The following GTF2F2 variants were observed in gnomAD, a reference collection of about 807,000 sequenced individuals.
The protein encoded by GTF2F2 is general transcription factor IIF subunit 2.
Under a neutral mutation model 42.2 loss-of-function variants are expected in GTF2F2, and 23 were observed. The ratio of observed to expected loss-of-function variants is 0.55; its 90% CI spans 0.39 to 0.77. The LOEUF (loss-of-function observed/expected upper bound fraction) is 0.77, where lower values mean the gene tolerates loss of function less well. Ranked by LOEUF, GTF2F2 falls within the 30% of genes least tolerant of loss-of-function variation. The pLI is 0.00. For synonymous variants in GTF2F2, 105 were observed against 100.8 expected (o/e 1.04, Z -0.25); for missense variants, 261 against 287.2 (o/e 0.91, Z 0.66).
Position 45,164,406 on chromosome 13 carries a change from A to G in GTF2F2, c.304+12575A>G, listed in dbSNP as rs192290861. Among the ~76,000 whole-genome samples, 5 of 152,252 alleles carry G rather than the reference A, an allele frequency of 3.3e-5. No homozygotes were observed. In the East Asian group the frequency reaches 7.7e-4, roughly 24 times the overall value. Reference sequence around the variant, plus strand: ...CTATTTTTTTAAAAAGCAATAAAACATGTCGATTTACTGAAGGTTTTCAAG... The same window carrying G: ...CTATTTTTTTAAAAAGCAATAAAACGTGTCGATTTACTGAAGGTTTTCAAG... On this transcript the variant is annotated intron_variant, in intron 4 of 7. Coordinates refer to ENST00000340473, the MANE Select transcript of GTF2F2 (RefSeq NM_004128.3).
At chr13:45,190,556 GTC>G (rs1387812637) in intron 4 of GTF2F2, among the ~76,000 whole-genome samples, 1 of 152,100 alleles carries the variant, frequency 6.6e-6, no homozygotes, top group Non-Finnish European at 1.5e-5. Context: ...AACCCCCTAA[GTC>G]TCTGTTTCTT....
intron 1 of GTF2F2, among the ~76,000 whole-genome samples, chr13:45,131,160 A>T (rs1170032456): frequency 6.6e-6 from 1 of 151,872 alleles, no homozygotes; most frequent in East Asian, 1.9e-4. Flanking sequence ...GTGAGCCGAG[A>T]TCGCGCCATT....
chr13:45,202,934 C>T (rs1425373584), intron 4 of GTF2F2, among the ~76,000 whole-genome samples: 1 of 152,090 alleles, frequency 6.6e-6, no homozygotes, highest in Non-Finnish European at 1.5e-5. Context: ...GCTACTCCAG[C>T]CTGGGTGACA....
chr13:45,178,098 C>A (rs77000566), intron 4 of GTF2F2, among the ~76,000 whole-genome samples: 4,347 of 152,158 alleles, frequency 0.029, 191 homozygotes, highest in African/African-American at 0.093. Flanking sequence ...CTTTCTGACA[C>A]CTGCCCTTTA....
chr13:45,156,219 C>T (rs1389886294), intron 4 of GTF2F2, among the ~76,000 whole-genome samples: 4 of 152,166 alleles, frequency 2.6e-5, no homozygotes, highest in African/African-American at 9.7e-5. Context: ...TGCACTGAGG[C>T]AACTGGTAAG....
chr13:45,280,446 A>C (rs1877215338), intron 7 of GTF2F2, among the ~76,000 whole-genome samples: 1 of 152,150 alleles, frequency 6.6e-6, no homozygotes, highest in Admixed American at 6.6e-5. Flanking sequence ...CTTCCCTGCC[A>C]AGCTAATTTA....
chr13:45,142,759 ATTTACTTAGT>A (rs1430214474), intron 2 of GTF2F2, among the ~76,000 whole-genome samples: 1 of 152,118 alleles, frequency 6.6e-6, no homozygotes, highest in Non-Finnish European at 1.5e-5. Context: ...TACTTTACTA[ATTTACTTAGT>A]TTTCATTGCT....
intron 1 of GTF2F2, among the ~76,000 whole-genome samples, chr13:45,132,329 A>G (rs1359520085): frequency 6.6e-6 from 1 of 151,756 alleles, no homozygotes; most frequent in Admixed American, 6.6e-5. Context: ...CTGGGGAAAT[A>G]TTGTTTCCAA....
chr13:45,143,359 C>T (rs1171953887), intron 2 of GTF2F2, among the ~76,000 whole-genome samples: 1 of 152,112 alleles, frequency 6.6e-6, no homozygotes, highest in Non-Finnish European at 1.5e-5. Flanking sequence ...GAGTATGGAC[C>T]TGGGAATTAG....
chr13:45,192,065 C>G (rs1872681502), intron 4 of GTF2F2, among the ~76,000 whole-genome samples: 1 of 152,010 alleles, frequency 6.6e-6, no homozygotes, highest in Non-Finnish European at 1.5e-5. Flanking sequence ...AAGGAAAAGT[C>G]AACTCCTAAG....
At chr13:45,209,531 T>C (rs1162852193) in intron 5 of GTF2F2, among the ~76,000 whole-genome samples, 1 of 152,164 alleles carries the variant, frequency 6.6e-6, no homozygotes, top group African/African-American at 2.4e-5. Flanking sequence ...GAAGACAGCT[T>C]TTTTTGACCA....
At chr13:45,124,468 G>A (rs898753051) in intron 1 of GTF2F2, among the ~76,000 whole-genome samples, 2 of 151,536 alleles carry the variant, frequency 1.3e-5, no homozygotes, top group South Asian at 4.2e-4. Context: ...AGGCCGAGGC[G>A]GGTGGATCAC....
chr13:45,249,344 A>G (rs1329087779), intron 5 of GTF2F2, among the ~76,000 whole-genome samples: 1 of 151,838 alleles, frequency 6.6e-6, no homozygotes, highest in African/African-American at 2.4e-5. Context: ...TAAATGTATG[A>G]TAGAACAGTT....
At chr13:45,153,130 C>T (rs1870578141) in intron 4 of GTF2F2, among the ~76,000 whole-genome samples, 1 of 151,798 alleles carries the variant, frequency 6.6e-6, no homozygotes, top group African/African-American at 2.4e-5. Context: ...CTGCCTCAGC[C>T]TCCTGAATAG....
At chr13:45,281,124 A>T (rs1566161283) in intron 7 of GTF2F2, among the ~76,000 whole-genome samples, 1 of 152,200 alleles carries the variant, frequency 6.6e-6, no homozygotes, top group Non-Finnish European at 1.5e-5. Flanking sequence ...TATTACCTAG[A>T]TATCTCAAGC....
At chr13:45,253,081 G>A in intron 6 of GTF2F2, 111 bp downstream of exon 6, 1 of 514,832 alleles carries the variant, frequency 1.9e-6, no homozygotes, top group Non-Finnish European at 3.4e-6. Flanking sequence ...GCCATCAGGT[G>A]CTTGAATTAC....
At chr13:45,206,065 T>C (rs549828940) in intron 4 of GTF2F2, among the ~76,000 whole-genome samples, 149 of 152,358 alleles carry the variant, frequency 9.8e-4, no homozygotes, top group African/African-American at 3.4e-3. Context: ...ATTTAAACTT[T>C]ATTATAAAAT....
At chr13:45,126,403 C>T (rs148356347) in intron 1 of GTF2F2, among the ~76,000 whole-genome samples, 1,809 of 152,096 alleles carry the variant, frequency 0.012, 31 homozygotes, top group African/African-American at 0.037. Flanking sequence ...AGGCGTGCAC[C>T]ACGACTCCTG....
At chr13:45,278,816 C>CTTTTTTTTTTTTTTTTTT (rs1157972776) in intron 7 of GTF2F2, among the ~76,000 whole-genome samples, 1 of 62,302 alleles carries the variant, frequency 1.6e-5, no homozygotes, top group African/African-American at 7.0e-5. Flanking sequence ...TTTTCTTTTT[C>CTTTTTTTTTTTTTTTTTT]TTTTTTTTTT....
Sources: gnomAD v4.1 joint callset for allele counts (sites outside exome capture counted in the v4.1 genomes callset) on GRCh38, gnomAD v4.1.1 for gene constraint, MANE v1.5 for transcripts, NCBI Gene and HGNC (gene_info 2026-07-23, HGNC 2026-07-21) for gene names.